The following USP34 variants were observed in gnomAD, a reference collection of about 807,000 sequenced individuals.
USP34 encodes the protein ubiquitin specific peptidase 34, also known as ubiquitin carboxyl-terminal hydrolase 34.
A neutral mutation model predicts 460.3 loss-of-function variants in USP34; 70 were observed. The ratio of observed to expected loss-of-function variants is 0.15; its 90% CI spans 0.13 to 0.19. The LOEUF (loss-of-function observed/expected upper bound fraction) is 0.19. Ranked by LOEUF, USP34 falls within the 10% of genes least tolerant of loss-of-function variation. The pLI is 1.00. For missense variants in USP34, 3,985 were observed against 4,236.2 expected, an observed-to-expected ratio of 0.94 and a Z score of 1.65; for synonymous variants, 1,647 against 1,405.3, an observed-to-expected ratio of 1.17 and a Z score of -3.85.
chr2:61,421,169 C>A (rs893920800), intron 1 of USP34, among the ~76,000 whole-genome samples: 1 of 152,178 alleles, frequency 6.6e-6, no homozygotes, highest in Admixed American at 6.5e-5. Flanking sequence ...TCTTGTTCTC[C>A]AGTGCCTATA....
At chr2:61,343,115 A>T (rs1691657136) in intron 16 of USP34, among the ~76,000 whole-genome samples, 2 of 152,250 alleles carry the variant, frequency 1.3e-5, no homozygotes, top group African/African-American at 4.8e-5. Context: ...GTTTACTTAT[A>T]ATGTACTGGC....
intron 76 of USP34, 91 bp from the exon 77 acceptor site, chr2:61,190,749 T>C: frequency 1.4e-6 from 2 of 1,450,380 alleles, no homozygotes; most frequent in Non-Finnish European, 1.8e-6. Context: ...CATACACTTG[T>C]GTATGATGGA....
At chr2:61,230,706 C>T (rs773037028) in intron 58 of USP34, among the ~76,000 whole-genome samples, 3 of 151,624 alleles carry the variant, frequency 2.0e-5, no homozygotes, top group Admixed American at 6.6e-5. Context: ...TAGCTGGGCA[C>T]GGTGGTGCGC....
chr2:61,312,451 A>C (rs1690622776), intron 25 of USP34, among the ~76,000 whole-genome samples: 1 of 151,916 alleles, frequency 6.6e-6, no homozygotes, highest in Non-Finnish European at 1.5e-5. Flanking sequence ...ATAATCACTA[A>C]ACACGTGTCA....
chr2:61,415,169 C>G (rs1272686465), intron 2 of USP34, among the ~76,000 whole-genome samples: 3 of 152,004 alleles, frequency 2.0e-5, no homozygotes, highest in Non-Finnish European at 4.4e-5. Flanking sequence ...GGTTCTCCTG[C>G]CTCAGAGACA....
At chr2:61,195,729 G>A (rs1686781370) in intron 75 of USP34, among the ~76,000 whole-genome samples, 1 of 151,992 alleles carries the variant, frequency 6.6e-6, no homozygotes, top group Admixed American at 6.6e-5. Context: ...GAGACCTTGT[G>A]GCCTGTGGAG....
intron 2 of USP34, among the ~76,000 whole-genome samples, chr2:61,417,654 T>G (rs1257317659): frequency 1.3e-5 from 2 of 149,158 alleles, no homozygotes; most frequent in Non-Finnish European, 3.0e-5. Flanking sequence ...TCAAAGTTGT[T>G]TTTTTTTCCC....
chr2:61,293,433 T>C, intron 33 of USP34, 31 bp downstream of exon 33: 1 of 1,528,542 alleles, frequency 6.5e-7, no homozygotes, highest in Non-Finnish European at 9.0e-7. Flanking sequence ...ATAACTACTG[T>C]AACTAGTTGA....
chr2:61,403,396 T>C (rs1693777805), intron 3 of USP34, among the ~76,000 whole-genome samples: 1 of 152,174 alleles, frequency 6.6e-6, no homozygotes, highest in Non-Finnish European at 1.5e-5. Flanking sequence ...GAATTTCACA[T>C]ATCTAAGTCC....
intron 74 of USP34, among the ~76,000 whole-genome samples, chr2:61,203,812 G>A (rs1483968966): frequency 2.0e-5 from 3 of 151,844 alleles, no homozygotes; most frequent in East Asian, 3.9e-4. Context: ...TTTAGAATAT[G>A]AGTTAGAAGA....
In USP34 at chr2:61,204,388, A is replaced by G. The variant is rs1199381961; in HGVS notation, c.9260-8T>C. 1.2e-6 allele frequency: 2 copies of G among 1,614,136 alleles called. No homozygotes were observed. Among genetic ancestry groups the G allele is most frequent in the Non-Finnish European group, 8.5e-7 (1 of 1,180,006 alleles). ...AATAAGGTCCAAGAGACACTAAGATATTAAAAGTGTACAGTAAGAATAAAT... is the reference window on the plus strand; with the variant it reads ...AATAAGGTCCAAGAGACACTAAGATGTTAAAAGTGTACAGTAAGAATAAAT... On this transcript the variant is annotated splice_polypyrimidine_tract_variant and splice_region_variant and intron_variant, in intron 73 of 79. Transcript: ENST00000398571.
At chr2:61,378,535 G>A (rs749000707) in intron 7 of USP34, 111 bp from the exon 8 acceptor site, 94 of 590,206 alleles carry the variant, frequency 1.6e-4, no homozygotes, top group Non-Finnish European at 2.7e-4. Flanking sequence ...ACAATAACTA[G>A]ATTAATATTA....
chr2:61,261,117 A>C lies in USP34; in HGVS notation c.5779-1341T>G, dbSNP rs537690373. ...GGTAAGGCTATTCCTCAAAAAACTAAACACACAATTCCCATATGATCCAAC... is the reference window on the plus strand; with the variant it reads ...GGTAAGGCTATTCCTCAAAAAACTACACACACAATTCCCATATGATCCAAC... On this transcript the variant is annotated intron_variant, in intron 43 of 79. Transcript: ENST00000398571. Among the ~76,000 whole-genome samples, 6 of 152,310 alleles carry C rather than the reference A, an allele frequency of 3.9e-5. No individual in the cohort carries two copies. The East Asian group carries it at 1.2e-3, about 29-fold the overall frequency.
At chr2:61,353,957 A>C (rs756019031) in intron 10 of USP34, among the ~76,000 whole-genome samples, 4 of 152,236 alleles carry the variant, frequency 2.6e-5, no homozygotes, top group Non-Finnish European at 5.9e-5. Flanking sequence ...ACCCGTAAGT[A>C]GGACAACTGA....
chr2:61,269,583 T>A (rs983141656), intron 41 of USP34, among the ~76,000 whole-genome samples: 5 of 152,120 alleles, frequency 3.3e-5, no homozygotes, highest in Non-Finnish European at 7.4e-5. Flanking sequence ...CTACAAAGAC[T>A]TAAAATTCAC....
At chr2:61,392,345 G>A (rs1386664854) in intron 5 of USP34, among the ~76,000 whole-genome samples, 2 of 152,126 alleles carry the variant, frequency 1.3e-5, no homozygotes, top group African/African-American at 2.4e-5. Context: ...GCCGGGTGCG[G>A]TGGCTCAAGC....
chr2:61,214,940 T>G (rs2123112), intron 67 of USP34, among the ~76,000 whole-genome samples: 83,521 of 152,014 alleles, frequency 0.55, 23,300 homozygotes, highest in South Asian at 0.75. Flanking sequence ...TTAAACCACT[T>G]TTCTTTAGCT....
chr2:61,244,374 G>A (rs573243191), intron 51 of USP34, among the ~76,000 whole-genome samples: 69 of 152,188 alleles, frequency 4.5e-4, no homozygotes, highest in Middle Eastern at 3.4e-3. Context: ...CCAGCACTTC[G>A]GAGGCTGCAG....
intron 1 of USP34, among the ~76,000 whole-genome samples, chr2:61,459,979 G>A (rs1047344574): frequency 4.6e-5 from 7 of 151,628 alleles, no homozygotes; most frequent in Non-Finnish European, 7.4e-5. Context: ...GGAGAATGGC[G>A]TCAACCCAGG....
Sources: gnomAD v4.1 joint callset for allele counts (sites outside exome capture counted in the v4.1 genomes callset) on GRCh38, gnomAD v4.1.1 for gene constraint, MANE v1.5 for transcripts, NCBI Gene and HGNC (gene_info 2026-07-23, HGNC 2026-07-21) for gene names.